The following ENTHD1 variants were observed in gnomAD, a reference collection of about 807,000 sequenced individuals.
The protein encoded by ENTHD1 is ENTH domain containing 1, also known as ENTH domain-containing protein 1.
Under a neutral mutation model 39.1 loss-of-function variants are expected in ENTHD1, and 23 were observed. The observed-to-expected ratio is 0.59, with a 90% CI of 0.42 to 0.83. The LOEUF (loss-of-function observed/expected upper bound fraction) is 0.83, where lower values mean the gene tolerates loss of function less well. ENTHD1 is among the 40% of genes least tolerant of loss of function. The probability of loss-of-function intolerance (pLI) is 0.00; values close to 1 mark genes in which losing one functional copy is unlikely to be tolerated. For missense variants in ENTHD1, 624 were observed against 705.4 expected, an observed-to-expected ratio of 0.88 and a Z score of 1.31; for synonymous variants, 230 against 258.2, an observed-to-expected ratio of 0.89 and a Z score of 1.05.
At chr22:39,891,654 T>C (rs1161231288) in intron 1 of ENTHD1, among the ~76,000 whole-genome samples, 1 of 151,654 alleles carries the variant, frequency 6.6e-6, no homozygotes, top group African/African-American at 2.4e-5. Flanking sequence ...GGTCTTGCTC[T>C]GTCACCCAGG....
At chr22:39,811,946 TC>T (rs1225227020) in intron 5 of ENTHD1, among the ~76,000 whole-genome samples, 1 of 151,218 alleles carries the variant, frequency 6.6e-6, no homozygotes. Context: ...GTCACTGCAC[TC>T]CAGCCTGGGC....
At chr22:39,804,353 G>A (rs946760139) in intron 5 of ENTHD1, among the ~76,000 whole-genome samples, 3 of 150,888 alleles carry the variant, frequency 2.0e-5, no homozygotes, top group African/African-American at 7.3e-5. Context: ...AGGCGAGGTG[G>A]CACATGCCTC....
intron 2 of ENTHD1, chr22:39,875,451 C>T: frequency 2.6e-6 from 4 of 1,526,120 alleles, no homozygotes; most frequent in Non-Finnish European, 3.5e-6. Context: ...AGCCGGGAGT[C>T]GCTGAGCGGC....
At chr22:39,781,867 G>T (rs1650358406) in intron 5 of ENTHD1, among the ~76,000 whole-genome samples, 1 of 152,096 alleles carries the variant, frequency 6.6e-6, no homozygotes, top group African/African-American at 2.4e-5. Flanking sequence ...AATCATTAGA[G>T]ACTATTATGA....
Position 39,744,265 on chromosome 22 carries a change from C to T in ENTHD1, c.1238G>A (p.Gly413Glu). 6.3e-7 allele frequency: 1 copy of T among 1,595,014 alleles called. No homozygotes were observed. The highest frequency in any genetic ancestry group is 8.5e-7 in the Non-Finnish European group (1 of 1,172,708). ...TTTRVSTASEGASSFSPLSMS... is the reference protein window; with the variant it reads ...TTTRVSTASEEASSFSPLSMS... ...GGATAAAGGAGAAAAGGAAGATGCT[C>T]CCTCAGAAGCAGTTGAAACTAAAAT... Residue 413 changes from glycine to glutamate, a missense_variant, in exon 7 of 7, where the codon GGA becomes GAA. Transcript: ENST00000325157.
At chr22:39,870,671 G>T (rs890997896) in intron 2 of ENTHD1, among the ~76,000 whole-genome samples, 4 of 152,048 alleles carry the variant, frequency 2.6e-5, no homozygotes, top group Admixed American at 6.5e-5. Flanking sequence ...CCATTCAGTC[G>T]GCCCATCAGC....
At chr22:39,796,924 A>G (rs1449761806) in intron 5 of ENTHD1, among the ~76,000 whole-genome samples, 1 of 152,000 alleles carries the variant, frequency 6.6e-6, no homozygotes, top group East Asian at 1.9e-4. Context: ...TTTCTTTTTG[A>G]TTTTCTGTCT....
rs912726054 is a variant in ENTHD1, at chr22:39,798,899, G to A, written c.832+22094C>T. Among the ~76,000 whole-genome samples, 4 of 152,254 alleles carry A rather than the reference G, an allele frequency of 2.6e-5. 1 individual carries two copies. Among genetic ancestry groups the A allele is most frequent in the Middle Eastern group, 3.4e-3 (1 of 294 alleles). ...ATGGAGTGTGCAGTCCACTCCCAAG[G>A]ACTCTAGGTGGCATGTGCTGGCTGT... On this transcript the variant is annotated intron_variant, in intron 5 of 6. Coordinates refer to ENST00000325157, the MANE Select transcript of ENTHD1 (RefSeq NM_152512.4).
At chr22:39,861,534 C>T (rs558566583) in intron 3 of ENTHD1, among the ~76,000 whole-genome samples, 63 of 151,670 alleles carry the variant, frequency 4.2e-4, no homozygotes, top group African/African-American at 1.3e-3. Context: ...AGCAAGATTC[C>T]GTCTCAAAAA....
At chr22:39,861,679 T>C (rs1184625127) in intron 3 of ENTHD1, 86 bp downstream of exon 3, 5 of 1,114,146 alleles carry the variant, frequency 4.5e-6, no homozygotes, top group Non-Finnish European at 5.8e-6. Context: ...ATATTAATAA[T>C]TTAGTACTAA....
At chr22:39,745,834 A>G (rs1174096060) in intron 6 of ENTHD1, among the ~76,000 whole-genome samples, 2 of 152,172 alleles carry the variant, frequency 1.3e-5, no homozygotes, top group African/African-American at 4.8e-5. Context: ...CTTCTTTCAG[A>G]ATTTTGAAGG....
At chr22:39,775,047 G>A (rs1242027764) in intron 5 of ENTHD1, among the ~76,000 whole-genome samples, 4 of 152,078 alleles carry the variant, frequency 2.6e-5, no homozygotes, top group South Asian at 2.1e-4. Flanking sequence ...TATCCTTCAC[G>A]TTAAAATGAA....
intron 1 of ENTHD1, among the ~76,000 whole-genome samples, chr22:39,888,981 A>T (rs1190776317): frequency 6.6e-6 from 1 of 152,234 alleles, no homozygotes; most frequent in Non-Finnish European, 1.5e-5. Context: ...CCCGAGAATC[A>T]GATCTAAATA....
chr22:39,744,667 C>A (rs2065089539), intron 6 of ENTHD1, among the ~76,000 whole-genome samples: 1 of 152,092 alleles, frequency 6.6e-6, no homozygotes, highest in South Asian at 2.1e-4. Context: ...AAGTGAGAAA[C>A]CTGTAACAGA....
At chr22:39,817,352 G>T (rs1436492941) in intron 5 of ENTHD1, among the ~76,000 whole-genome samples, 1 of 152,102 alleles carries the variant, frequency 6.6e-6, no homozygotes, top group East Asian at 1.9e-4. Flanking sequence ...ATCAGCAAGG[G>T]AATAAACTAT....
At chr22:39,882,424 T>A (rs1179802734) in intron 2 of ENTHD1, among the ~76,000 whole-genome samples, 1 of 152,204 alleles carries the variant, frequency 6.6e-6, no homozygotes, top group East Asian at 1.9e-4. Flanking sequence ...AGACAAATCT[T>A]AAGCATAAGC....
intron 4 of ENTHD1, among the ~76,000 whole-genome samples, chr22:39,823,522 A>T (rs1050894722): frequency 6.9e-6 from 1 of 145,694 alleles, no homozygotes; most frequent in African/African-American, 2.5e-5. Flanking sequence ...ATTTTTTTTA[A>T]TTTTTTTTTT....
intron 4 of ENTHD1, among the ~76,000 whole-genome samples, chr22:39,831,059 C>CTGT (rs2065864601): frequency 6.6e-6 from 1 of 152,192 alleles, no homozygotes; most frequent in Non-Finnish European, 1.5e-5. Flanking sequence ...AGCTCAACTG[C>CTGT]TGAAGGCTAC....
At position 39,835,758 on chromosome 22, in the gene ENTHD1, C is replaced by G. The variant is rs1294514269; in HGVS notation, c.711+82G>C. ...AGCCCTGGGTCAGGCTTCTAACCTA[C>G]AGAAGATAATAAATTTGTTTGTTTT... On this transcript the variant is annotated intron_variant, in intron 4 of 6. Transcript: ENST00000325157. The G allele has an allele frequency of 6.1e-6, 6 of 983,920 alleles. No individual in the cohort carries two copies. In the South Asian group the frequency reaches 1.0e-4, roughly 17 times the overall value. The allele number at this position is 983,920 out of a possible 1,614,324, so 60.9% of individuals were successfully genotyped here. A position where few individuals can be genotyped will look rare whatever the true frequency, so the allele number is the denominator to read the frequency against.
Sources: allele counts gnomAD v4.1 joint callset (sites outside exome capture counted in the v4.1 genomes callset), GRCh38; gene constraint gnomAD v4.1.1; transcripts MANE v1.5; gene names NCBI Gene and HGNC (gene_info 2026-07-23, HGNC 2026-07-21).